Variants in PCCA observed in about 807,000 individuals in gnomAD.
PCCA encodes the protein propionyl-CoA carboxylase subunit alpha.
PCCA carries 74 observed loss-of-function variants against 101.3 expected under a neutral mutation model. The observed-to-expected ratio is 0.73, with a 90% confidence interval of 0.61 to 0.89. The LOEUF (loss-of-function observed/expected upper bound fraction) is 0.89. PCCA is among the 40% of genes least tolerant of loss of function. The pLI, the probability that PCCA is intolerant of heterozygous loss-of-function variation, is 0.00. For missense variants in PCCA, 891 were observed against 907.0 expected (o/e 0.98, Z 0.23); for synonymous variants, 294 against 313.6 (o/e 0.94, Z 0.66).
chr13:100,183,912 A>C (rs1006960034), intron 6 of PCCA, among the ~76,000 whole-genome samples: 1 of 152,156 alleles, frequency 6.6e-6, no homozygotes, highest in Non-Finnish European at 1.5e-5. Flanking sequence ...AATTCAGCAA[A>C]TGGCAAGAAA....
chr13:100,474,440 T>TTCTCTCTCTCTCTCTCTC (rs58811683), intron 21 of PCCA, among the ~76,000 whole-genome samples: 42 of 144,386 alleles, frequency 2.9e-4, no homozygotes, highest in African/African-American at 1.1e-3. Flanking sequence ...TATTTACTGT[T>TTCTCTCTCTCTCTCTCTC]TCTCTCTCTC....
chr13:100,456,552 AG>A (rs2081733767), intron 21 of PCCA, among the ~76,000 whole-genome samples: 1 of 152,032 alleles, frequency 6.6e-6, no homozygotes, highest in Non-Finnish European at 1.5e-5. Flanking sequence ...GTACAAGACC[AG>A]GGGGCAGGGT....
chr13:100,367,945 A>G (rs2075314665), intron 18 of PCCA, among the ~76,000 whole-genome samples: 2 of 151,990 alleles, frequency 1.3e-5, no homozygotes, highest in African/African-American at 4.8e-5. Flanking sequence ...GCGACAGTGC[A>G]AGATTCCGTC....
intron 10 of PCCA, among the ~76,000 whole-genome samples, chr13:100,264,608 C>T (rs1010021134): frequency 4.6e-5 from 7 of 152,114 alleles, no homozygotes; most frequent in African/African-American, 1.7e-4. Flanking sequence ...TTATTTGACT[C>T]ACCTGCAGTT....
intron 20 of PCCA, among the ~76,000 whole-genome samples, chr13:100,431,223 A>G (rs1402397887): frequency 6.6e-6 from 1 of 152,064 alleles, no homozygotes; most frequent in Non-Finnish European, 1.5e-5. Context: ...ATATATATTT[A>G]TTGGCTCTCT....
At chr13:100,311,770 C>A (rs943389317) in intron 16 of PCCA, among the ~76,000 whole-genome samples, 1 of 151,346 alleles carries the variant, frequency 6.6e-6, no homozygotes, top group Non-Finnish European at 1.5e-5. Flanking sequence ...ACTCTGTCTC[C>A]AAAAAAATAA....
rs2063104624 is a variant in PCCA at position 100,268,705 on chromosome 13, A to T, written c.836A>T (p.His279Leu). ...CTCTTTCAGGTTCTAGGTGATAAAC[A>T]TGGGAATGCTTTATGGCTTAATGAA... ...HIEIQVLGDKHGNALWLNERE... is the reference protein window; with the variant it reads ...HIEIQVLGDKLGNALWLNERE... Residue 279 changes from histidine (H) to leucine (L), a missense_variant, in exon 11 of 24, where the codon CAT becomes CTT. Coordinates refer to ENST00000376285, the MANE Select transcript of PCCA (RefSeq NM_000282.4). The T allele has an allele frequency of 1.2e-6, 2 of 1,613,474 alleles. No individual in the cohort carries two copies. Among genetic ancestry groups the T allele is most frequent in the Non-Finnish European group, 1.7e-6 (2 of 1,179,426 alleles).
chr13:100,516,498 G>C (rs2086836098), intron 22 of PCCA, among the ~76,000 whole-genome samples: 1 of 152,220 alleles, frequency 6.6e-6, no homozygotes, highest in South Asian at 2.1e-4. Flanking sequence ...ATCAGTTTTA[G>C]TTGTTTGAAT....
intron 21 of PCCA, among the ~76,000 whole-genome samples, chr13:100,475,303 C>T (rs2083333218): frequency 6.6e-6 from 1 of 152,148 alleles, no homozygotes; most frequent in Non-Finnish European, 1.5e-5. Flanking sequence ...AAGCCCCCTA[C>T]CCATTAGCAT....
chr13:100,283,183 T>G (rs1299652130), intron 12 of PCCA, among the ~76,000 whole-genome samples: 1 of 152,180 alleles, frequency 6.6e-6, no homozygotes, highest in Non-Finnish European at 1.5e-5. Context: ...CCTTGGCCTT[T>G]AATGTAAAGA....
At chr13:100,094,405 C>T (rs2046580290) in intron 1 of PCCA, among the ~76,000 whole-genome samples, 1 of 152,056 alleles carries the variant, frequency 6.6e-6, no homozygotes, top group African/African-American at 2.4e-5. Flanking sequence ...TATTGCATAA[C>T]TTTCAAAAAT....
intron 16 of PCCA, among the ~76,000 whole-genome samples, chr13:100,325,901 G>A (rs2068623590): frequency 6.6e-6 from 1 of 152,008 alleles, no homozygotes; most frequent in South Asian, 2.1e-4. Context: ...GTTTAACATC[G>A]AAGGTGTCGA....
intron 21 of PCCA, among the ~76,000 whole-genome samples, chr13:100,467,875 A>G (rs2152951445): frequency 6.6e-6 from 1 of 152,296 alleles, no homozygotes. Context: ...TCTTAATAGC[A>G]TCTAGAGTGG....
At chr13:100,210,085 C>G (rs1319344734) in intron 7 of PCCA, among the ~76,000 whole-genome samples, 4 of 152,074 alleles carry the variant, frequency 2.6e-5, no homozygotes, top group African/African-American at 7.2e-5. Context: ...TCAAGAATCC[C>G]TCCTTCTTTA....
chr13:100,231,810 G>A (rs1309914019), intron 7 of PCCA, among the ~76,000 whole-genome samples: 1 of 151,840 alleles, frequency 6.6e-6, no homozygotes, highest in African/African-American at 2.4e-5. Flanking sequence ...GGGCTCAAGT[G>A]GTCTTCCTGC....
chr13:100,403,000 A>ATTT (rs752322601), intron 19 of PCCA, among the ~76,000 whole-genome samples: 36 of 144,688 alleles, frequency 2.5e-4, no homozygotes, highest in African/African-American at 9.1e-4. Flanking sequence ...GGAGAACTTA[A>ATTT]TTTTTTTTTT....
chr13:100,436,070 A>G (rs112541448), intron 20 of PCCA, among the ~76,000 whole-genome samples: 54 of 152,048 alleles, frequency 3.6e-4, no homozygotes, highest in African/African-American at 1.3e-3. Context: ...AGAGAGAGAG[A>G]AAGAAAATGA....
intron 21 of PCCA, among the ~76,000 whole-genome samples, chr13:100,465,820 A>G (rs2082472970): frequency 6.6e-6 from 1 of 152,250 alleles, no homozygotes; most frequent in Non-Finnish European, 1.5e-5. Context: ...GAAGCTTACA[A>G]AGTACACATG....
chr13:100,120,849 T>C (rs772095216), intron 4 of PCCA, among the ~76,000 whole-genome samples: 2 of 152,152 alleles, frequency 1.3e-5, no homozygotes, highest in Non-Finnish European at 2.9e-5. Context: ...TGTAACCAGC[T>C]GGGATTTTGA....
Sources: gnomAD v4.1 joint callset for allele counts (sites outside exome capture counted in the v4.1 genomes callset) on GRCh38, gnomAD v4.1.1 for gene constraint, MANE v1.5 for transcripts, NCBI Gene and HGNC (gene_info 2026-07-23, HGNC 2026-07-21) for gene names.